CACNA2D1: variants seen among roughly 807,000 people sequenced by gnomAD.
CACNA2D1 encodes the protein calcium voltage-gated channel auxiliary subunit alpha2delta 1, also known as voltage-dependent calcium channel subunit alpha-2/delta-1.
In CACNA2D1, 53 loss-of-function variants were observed where a neutral mutation model predicts 171.5. The observed-to-expected ratio is 0.31, with a 90% CI of 0.25 to 0.39. The LOEUF (loss-of-function observed/expected upper bound fraction) is 0.39. Ranked by LOEUF, CACNA2D1 falls within the 10% of genes least tolerant of loss-of-function variation. The pLI, the probability that CACNA2D1 is intolerant of heterozygous loss-of-function variation, is 1.00. For missense variants in CACNA2D1, 903 were observed against 1,299.8 expected, an observed-to-expected ratio of 0.69 and a Z score of 4.69; for synonymous variants, 442 against 443.1, an observed-to-expected ratio of 1.00 and a Z score of 0.03.
At chr7:81,995,710 A>T (rs1797971204) in intron 19 of CACNA2D1, among the ~76,000 whole-genome samples, 2 of 151,674 alleles carry the variant, frequency 1.3e-5, no homozygotes, top group African/African-American at 4.9e-5. Flanking sequence ...GAGGCAGGAG[A>T]ATGGCATGAA....
chr7:82,211,962 T>A (rs1216012756), intron 3 of CACNA2D1, among the ~76,000 whole-genome samples: 2 of 152,196 alleles, frequency 1.3e-5, no homozygotes, highest in East Asian at 3.8e-4. Context: ...CGTGGTTTTG[T>A]TTGCATTTCT....
chr7:82,401,679 A>G (rs906921045), intron 1 of CACNA2D1, among the ~76,000 whole-genome samples: 13 of 152,062 alleles, frequency 8.5e-5, no homozygotes, highest in Non-Finnish European at 1.9e-4. Flanking sequence ...CACAATGTGC[A>G]TATGTACCCT....
chr7:82,133,239 CATT>C (rs1434626654), intron 5 of CACNA2D1, among the ~76,000 whole-genome samples: 2 of 152,142 alleles, frequency 1.3e-5, no homozygotes, highest in East Asian at 3.9e-4. Flanking sequence ...ATATTTTACC[CATT>C]ATTATGAAAT....
chr7:82,032,100 T>C lies in CACNA2D1; in HGVS notation c.1143+697A>G, dbSNP rs1363748274. ...TAATAGGACGGCTAGAAAAAGTAGT[T>C]AGAGTTTTGATTGAAGCTGATATTC... On this transcript the variant is annotated intron_variant, in intron 12 of 38. Coordinates refer to ENST00000356860, the MANE Select transcript of CACNA2D1 (RefSeq NM_000722.4). 3.3e-5 allele frequency among the ~76,000 whole-genome samples: 5 copies of C among 151,956 alleles called. No individual in the cohort carries two copies. The East Asian group carries it at 9.6e-4, about 29-fold the overall frequency.
At chr7:82,360,572 A>G (rs1320692485) in intron 1 of CACNA2D1, among the ~76,000 whole-genome samples, 1 of 152,224 alleles carries the variant, frequency 6.6e-6, no homozygotes, top group Non-Finnish European at 1.5e-5. Context: ...GATATTATTT[A>G]TAACATGCAA....
chr7:82,174,042 C>CA (rs71093365), intron 3 of CACNA2D1, among the ~76,000 whole-genome samples: 1,839 of 45,582 alleles, frequency 0.04, 185 homozygotes, highest in African/African-American at 0.065. Context: ...GACCCTGTCT[C>CA]AAAAAAAAAA....
At chr7:82,189,545 A>G (rs1249954538) in intron 3 of CACNA2D1, among the ~76,000 whole-genome samples, 6 of 151,964 alleles carry the variant, frequency 3.9e-5, no homozygotes, top group Non-Finnish European at 1.5e-5. Context: ...TCTTTCATAG[A>G]TTGAAGATAA....
At chr7:82,181,041 ATTTTTTTTTTTTTTTTTTTTTTT>A (rs71093367) in intron 3 of CACNA2D1, among the ~76,000 whole-genome samples, 1 of 13,942 alleles carries the variant, frequency 7.2e-5, no homozygotes, top group Non-Finnish European at 1.5e-4. Context: ...GGCATGTCGG[ATTTTTTTTTTTTTTTTTTTTTTT>A]TTTTTTTTTT....
At chr7:82,078,755 T>C (rs545462954) in intron 7 of CACNA2D1, among the ~76,000 whole-genome samples, 1 of 152,226 alleles carries the variant, frequency 6.6e-6, no homozygotes, top group African/African-American at 2.4e-5. Context: ...CCCAAGTTAC[T>C]GATGAAGAAA....
intron 18 of CACNA2D1, among the ~76,000 whole-genome samples, chr7:82,003,617 A>G (rs1398587266): frequency 6.7e-6 from 1 of 150,120 alleles, no homozygotes; most frequent in Non-Finnish European, 1.5e-5. Flanking sequence ...ATATAGATAT[A>G]TATATATAAA....
At chr7:81,971,908 T>C (rs1414131753) in intron 25 of CACNA2D1, 44 bp from the exon 26 acceptor site, 11 of 1,173,634 alleles carry the variant, frequency 9.4e-6, no homozygotes, top group Non-Finnish European at 1.4e-5. Flanking sequence ...ATTTCTAAAA[T>C]TATGATCATA....
At chr7:82,344,774 G>A (rs973996441) in intron 2 of CACNA2D1, among the ~76,000 whole-genome samples, 1 of 152,102 alleles carries the variant, frequency 6.6e-6, no homozygotes, top group Non-Finnish European at 1.5e-5. Context: ...ACATCGTTAT[G>A]GTGCTGATTT....
At chr7:82,033,747 T>C (rs1380749995) in intron 11 of CACNA2D1, among the ~76,000 whole-genome samples, 1 of 152,066 alleles carries the variant, frequency 6.6e-6, no homozygotes, top group Non-Finnish European at 1.5e-5. Flanking sequence ...GAATGATGGA[T>C]TAGCACCAAA....
intron 3 of CACNA2D1, among the ~76,000 whole-genome samples, chr7:82,198,667 C>CTT (rs11333417): frequency 4.3e-5 from 6 of 139,430 alleles, no homozygotes; most frequent in African/African-American, 5.2e-5. Flanking sequence ...ATATCTGGAA[C>CTT]TTTTTTTTTT....
chr7:82,192,273 G>A (rs13235513), intron 3 of CACNA2D1, among the ~76,000 whole-genome samples: 84,776 of 151,428 alleles, frequency 0.56, 26,300 homozygotes, highest in East Asian at 0.71. Context: ...TTAGTGCTGA[G>A]TGCCAAGCAT....
intron 1 of CACNA2D1, among the ~76,000 whole-genome samples, chr7:82,410,069 T>A (rs1827486646): frequency 6.6e-6 from 1 of 152,206 alleles, no homozygotes; most frequent in South Asian, 2.1e-4. Flanking sequence ...ATGGGGCCCA[T>A]CATTGAATAA....
intron 5 of CACNA2D1, among the ~76,000 whole-genome samples, chr7:82,130,017 C>T (rs1584855346): frequency 6.6e-6 from 1 of 152,218 alleles, no homozygotes; most frequent in Middle Eastern, 3.4e-3. Context: ...AAGGATCTCT[C>T]TAAAAATTAA....
chr7:82,012,474 C>G (rs1310304194), intron 14 of CACNA2D1, among the ~76,000 whole-genome samples: 2 of 152,052 alleles, frequency 1.3e-5, no homozygotes, highest in East Asian at 3.9e-4. Flanking sequence ...ATATCTACCC[C>G]AGTTTTTTTC....
intron 3 of CACNA2D1, among the ~76,000 whole-genome samples, chr7:82,242,889 A>C (rs1216707841): frequency 6.6e-6 from 1 of 152,144 alleles, no homozygotes; most frequent in East Asian, 1.9e-4. Flanking sequence ...TATTAAAATA[A>C]AGGGTATGCC....
Sources: allele counts gnomAD v4.1 joint callset (sites outside exome capture counted in the v4.1 genomes callset), GRCh38; gene constraint gnomAD v4.1.1; transcripts MANE v1.5; gene names NCBI Gene and HGNC (gene_info 2026-07-23, HGNC 2026-07-21).